The following CDC42BPB variants were observed in gnomAD, a reference collection of about 807,000 sequenced individuals.
CDC42BPB encodes the protein serine/threonine-protein kinase MRCK beta.
A neutral mutation model predicts 214.9 loss-of-function variants in CDC42BPB; 37 were observed. The ratio of observed to expected loss-of-function variants is 0.17; its 90% CI spans 0.13 to 0.23. The LOEUF (loss-of-function observed/expected upper bound fraction) is 0.23. Among genes scored for constraint, CDC42BPB ranks in the 10% least tolerant of loss-of-function variants. The probability of loss-of-function intolerance (pLI) is 1.00; values close to 1 mark genes in which losing one functional copy is unlikely to be tolerated. For missense variants in CDC42BPB, 1,694 were observed against 2,227.0 expected (o/e 0.76, Z 4.82); for synonymous variants, 931 against 884.0 (o/e 1.05, Z -0.94).
intron 1 of CDC42BPB, among the ~76,000 whole-genome samples, chr14:103,017,832 T>G (rs1164996062): frequency 2.0e-5 from 3 of 152,200 alleles, no homozygotes; most frequent in African/African-American, 7.2e-5. Context: ...CCGCAATGCT[T>G]CAGTGGAATC....
intron 1 of CDC42BPB, among the ~76,000 whole-genome samples, chr14:103,048,818 G>C (rs955627793): frequency 1.3e-5 from 2 of 151,692 alleles, no homozygotes; most frequent in South Asian, 4.2e-4. Context: ...AGGCTGCAGT[G>C]AGCCAAGATC....
chr14:103,020,909 C>G (rs1886736517), intron 1 of CDC42BPB, among the ~76,000 whole-genome samples: 1 of 152,204 alleles, frequency 6.6e-6, no homozygotes, highest in Non-Finnish European at 1.5e-5. Context: ...TAACTAAGCT[C>G]TTTTGTAAGA....
chr14:102,992,326 T>C (rs1894531258), intron 5 of CDC42BPB, among the ~76,000 whole-genome samples: 1 of 152,182 alleles, frequency 6.6e-6, no homozygotes, highest in Admixed American at 6.5e-5. Flanking sequence ...CTATCCCAAC[T>C]ACAGATAACA....
chr14:102,992,748 CAAAAATATATATATTCA>C (rs906877917), intron 5 of CDC42BPB, among the ~76,000 whole-genome samples: 2 of 148,180 alleles, frequency 1.3e-5, no homozygotes, highest in African/African-American at 5.0e-5. Flanking sequence ...TACATATATT[CAAAAATATATATATTCA>C]AAAAATATAT....
Position 102,943,767 on chromosome 14 carries a change from C to G in CDC42BPB, c.4408+124G>C. 1.2e-6 allele frequency: 1 copy of G among 836,098 alleles called. No individual in the cohort carries two copies. The highest frequency in any genetic ancestry group is 1.7e-5 in the African/African-American group (1 of 58,770). The allele number at this position is 836,098 out of a possible 1,614,324, so 51.8% of individuals were successfully genotyped here. The stretch of plus-strand genomic sequence containing the variant: ...CTGCGGGCTGGCATGGGGCCCACCT[C>G]TCCCGATGCTCTGTGACTACTCAAC... On this transcript the variant is annotated intron_variant, in intron 30 of 36. Coordinates refer to ENST00000361246, the MANE Select transcript of CDC42BPB (RefSeq NM_006035.4). This position sits in a 1 kb window ranked among gnomAD's most constrained non-coding sequence, Gnocchi z 4.6.
chr14:102,971,782 C>T (rs1052029043), intron 13 of CDC42BPB, 137 bp downstream of exon 13: 6 of 806,680 alleles, frequency 7.4e-6, no homozygotes, highest in East Asian at 4.9e-5. Context: ...AATAAATGCT[C>T]GGCCGATCAA....
intron 3 of CDC42BPB, among the ~76,000 whole-genome samples, chr14:103,007,219 C>T (rs1199994496): frequency 2.0e-5 from 3 of 152,202 alleles, no homozygotes; most frequent in African/African-American, 7.2e-5. Flanking sequence ...TGTCAACCAA[C>T]ACGCGTTCAG....
At position 103,012,082 on chromosome 14, in the gene CDC42BPB, T is replaced by C; in HGVS notation, c.267+15A>G. 2 of 1,573,720 alleles carry C rather than the reference T, an allele frequency of 1.3e-6. No individual in the cohort carries two copies. Among genetic ancestry groups the C allele is most frequent in the South Asian group, 2.2e-5 (2 of 89,832 alleles). On this transcript the variant is annotated intron_variant, in intron 2 of 36. Transcript: ENST00000361246. ...GGCAATTTAGGCAAAGTTAACAAAATGAAGTTTATCTTACCTCACCAAAAG... is the reference window on the plus strand; with the variant it reads ...GGCAATTTAGGCAAAGTTAACAAAACGAAGTTTATCTTACCTCACCAAAAG...
chr14:102,949,070 G>C (rs1892356497), intron 26 of CDC42BPB, among the ~76,000 whole-genome samples: 1 of 152,180 alleles, frequency 6.6e-6, no homozygotes, highest in South Asian at 2.1e-4. Flanking sequence ...CCACACAACA[G>C]ACGGTGCACG....
intron 18 of CDC42BPB, chr14:102,964,922 C>A: frequency 5.4e-6 from 2 of 367,068 alleles, no homozygotes; most frequent in Non-Finnish European, 7.5e-6. Flanking sequence ...CTTTTCTTTT[C>A]TTTTCTTTTT....
chr14:102,977,538 T>C (rs939260965), intron 9 of CDC42BPB, among the ~76,000 whole-genome samples: 2 of 152,042 alleles, frequency 1.3e-5, no homozygotes, highest in Non-Finnish European at 2.9e-5. Context: ...AGGTGGACCA[T>C]CTCAGGCGAC....
chr14:103,055,524 A>T (rs1888896611), intron 1 of CDC42BPB, among the ~76,000 whole-genome samples: 1 of 152,254 alleles, frequency 6.6e-6, no homozygotes, highest in South Asian at 2.1e-4. Context: ...TTCAGTTGGA[A>T]ATCGTGTCAC....
rs528405886 is a variant in CDC42BPB, at chr14:103,045,584, C to T, written c.175+11415G>A. On this transcript the variant is annotated intron_variant, in intron 1 of 36. Coordinates refer to ENST00000361246, the MANE Select transcript of CDC42BPB (RefSeq NM_006035.4). ...TTCTTCACATTCTCATAACCCCCTT[C>T]TCCTCTCCTCCAATGCTTGTACAGC... Among the ~76,000 whole-genome samples the T allele has an allele frequency of 9.2e-4, 140 of 152,334 alleles. 4 individuals carry two copies. The South Asian group carries it at 0.028, about 30-fold the overall frequency.
intron 27 of CDC42BPB, among the ~76,000 whole-genome samples, chr14:102,947,495 A>G (rs1448843005): frequency 2.6e-5 from 4 of 152,130 alleles, no homozygotes; most frequent in Non-Finnish European, 5.9e-5. Context: ...AGGGAGGGTC[A>G]GTGAAGAGGG....
At chr14:102,942,797 C>T (rs539610693) in intron 30 of CDC42BPB, among the ~76,000 whole-genome samples, 26 of 143,616 alleles carry the variant, frequency 1.8e-4, no homozygotes, top group African/African-American at 6.0e-4. Context: ...CTCTGCGTCC[C>T]GGGTTCAAGC....
chr14:103,040,965 T>C (rs903655546), intron 1 of CDC42BPB, among the ~76,000 whole-genome samples: 8 of 152,154 alleles, frequency 5.3e-5, no homozygotes, highest in East Asian at 1.9e-4. Context: ...TTAGAAAGAA[T>C]TGTCAAAACA....
At chr14:102,996,505 A>C (rs1205069812) in intron 5 of CDC42BPB, among the ~76,000 whole-genome samples, 1 of 152,094 alleles carries the variant, frequency 6.6e-6, no homozygotes, top group African/African-American at 2.4e-5. Context: ...ATAAAATCTA[A>C]ATGTTAAAAC....
In CDC42BPB at chr14:103,024,256, A is replaced by G. The variant is rs184577662; in HGVS notation, c.176-12068T>C. 4.6e-3 allele frequency among the ~76,000 whole-genome samples: 693 copies of G among 152,252 alleles called. 4 individuals carry two copies. Among genetic ancestry groups the G allele is most frequent in the South Asian group, 0.013 (64 of 4,824 alleles). On this transcript the variant is annotated intron_variant, in intron 1 of 36. Transcript: ENST00000361246. ...GGCGGAAGGACAGAAAGGAGCCCCA[A>G]TGCTCTGGCCTCTAGAGTTCTGTAA...
intron 5 of CDC42BPB, among the ~76,000 whole-genome samples, chr14:102,988,866 C>T (rs555138026): frequency 7.4e-6 from 1 of 135,522 alleles, no homozygotes; most frequent in African/African-American, 2.7e-5. Flanking sequence ...AACAACCCCC[C>T]CTTCCAAAAA....
Sources: gnomAD v4.1 joint callset for allele counts (sites outside exome capture counted in the v4.1 genomes callset) on GRCh38, gnomAD v4.1.1 for gene constraint, Gnocchi (gnomAD v3.1) non-coding constraint, MANE v1.5 for transcripts, NCBI Gene and HGNC (gene_info 2026-07-23, HGNC 2026-07-21) for gene names.